The following SPICE1 variants were observed in gnomAD, a reference collection of about 807,000 sequenced individuals.
SPICE1 encodes spindle and centriole associated protein 1.
SPICE1 carries 75 observed loss-of-function variants against 102.7 expected under a neutral mutation model. The ratio of observed to expected loss-of-function variants is 0.73; its 90% CI spans 0.61 to 0.88. SPICE1 has a LOEUF of 0.88. SPICE1 is among the 40% of genes least tolerant of loss of function. The probability of loss-of-function intolerance (pLI) is 0.00; values close to 1 mark genes in which losing one functional copy is unlikely to be tolerated. For missense variants in SPICE1, 979 were observed against 1,020.1 expected, an observed-to-expected ratio of 0.96 and a Z score of 0.55; for synonymous variants, 308 against 350.3, an observed-to-expected ratio of 0.88 and a Z score of 1.35.
chr3:113,463,815 T>A (rs1935988204), intron 11 of SPICE1, among the ~76,000 whole-genome samples: 1 of 152,190 alleles, frequency 6.6e-6, no homozygotes, highest in Non-Finnish European at 1.5e-5. Flanking sequence ...ATGCCTGTAA[T>A]CCCAACACTT....
At position 113,459,279 on chromosome 3, in the gene SPICE1, C is replaced by T. The variant is rs1013012192; in HGVS notation, c.1435+1338G>A. On this transcript the variant is annotated intron_variant, in intron 12 of 17. Coordinates refer to ENST00000295872, the MANE Select transcript of SPICE1 (RefSeq NM_144718.4). Reference sequence around the variant, plus strand: ...CAAGTACCCAGGGACACAAACACTGCGGAAGGAGGCAAGGCCCTCTGCCTA... The same window carrying T: ...CAAGTACCCAGGGACACAAACACTGTGGAAGGAGGCAAGGCCCTCTGCCTA... Among the ~76,000 whole-genome samples, 7 of 152,214 alleles carry T rather than the reference C, an allele frequency of 4.6e-5. No homozygotes were observed. The East Asian group carries it at 7.7e-4, about 17-fold the overall frequency.
At chr3:113,497,374 C>G (rs939272182) in intron 4 of SPICE1, among the ~76,000 whole-genome samples, 2 of 152,138 alleles carry the variant, frequency 1.3e-5, no homozygotes, top group Non-Finnish European at 2.9e-5. Flanking sequence ...AAACTATACT[C>G]TAACACACAA....
chr3:113,503,283 T>C lies in SPICE1; in HGVS notation c.100-56A>G, dbSNP rs931085279. On this transcript the variant is annotated intron_variant, in intron 2 of 17. Coordinates refer to ENST00000295872, the MANE Select transcript of SPICE1 (RefSeq NM_144718.4). Reference sequence around the variant, plus strand: ...AAAAAAAAAGTTTTCTTATAAAATATACACATTTATTGGATTTTAATGGCT... The same window carrying C: ...AAAAAAAAAGTTTTCTTATAAAATACACACATTTATTGGATTTTAATGGCT... 4.8e-6 allele frequency: 7 copies of C among 1,462,990 alleles called. No homozygotes were observed. In the African/African-American group the frequency reaches 8.8e-5, roughly 18 times the overall value. 90.6% of individuals were successfully genotyped at this position (1,462,990 alleles called of 1,614,324 possible).
intron 14 of SPICE1, among the ~76,000 whole-genome samples, chr3:113,451,921 C>T (rs1429089786): frequency 6.6e-6 from 1 of 150,750 alleles, no homozygotes; most frequent in African/African-American, 2.5e-5. Flanking sequence ...CACCAAAGCC[C>T]TCCAACCCAC....
chr3:113,505,348 T>C lies in SPICE1; in HGVS notation c.99+1159A>G, dbSNP rs1000750461. Among the ~76,000 whole-genome samples, 33 of 152,062 alleles carry C rather than the reference T, an allele frequency of 2.2e-4. 1 individual carries two copies. Reference sequence around the variant, plus strand: ...TTCCGATTTATCAGTTTCCTTACCTTAGAGTCACATCCTTGTTATTAAAAT... The same window carrying C: ...TTCCGATTTATCAGTTTCCTTACCTCAGAGTCACATCCTTGTTATTAAAAT... On this transcript the variant is annotated intron_variant, in intron 2 of 17. Coordinates refer to ENST00000295872, the MANE Select transcript of SPICE1 (RefSeq NM_144718.4).
At chr3:113,483,975 T>C (rs1190703966) in intron 7 of SPICE1, among the ~76,000 whole-genome samples, 1 of 152,234 alleles carries the variant, frequency 6.6e-6, no homozygotes, top group Non-Finnish European at 1.5e-5. Flanking sequence ...TTTGTACCTC[T>C]GGTAGAACTC....
intron 15 of SPICE1, chr3:113,449,967 GAAT>G (rs1935606917): frequency 2.2e-5 from 4 of 180,550 alleles, no homozygotes; most frequent in South Asian, 1.5e-4. Context: ...GTGTTTTACA[GAAT>G]AATAACTTGT....
intron 4 of SPICE1, among the ~76,000 whole-genome samples, chr3:113,495,042 C>G (rs565483778): frequency 6.6e-6 from 1 of 152,138 alleles, no homozygotes; most frequent in African/African-American, 2.4e-5. Context: ...AAATGTGAGG[C>G]CTCTGTGTTT....
At chr3:113,505,193 T>C (rs182339078) in intron 2 of SPICE1, among the ~76,000 whole-genome samples, 120 of 152,282 alleles carry the variant, frequency 7.9e-4, no homozygotes, top group Non-Finnish European at 5.9e-5. Context: ...GCCAACTGTA[T>C]TTATTGAAAA....
At chr3:113,476,908 T>A (rs1270379547) in intron 7 of SPICE1, among the ~76,000 whole-genome samples, 1 of 152,076 alleles carries the variant, frequency 6.6e-6, no homozygotes, top group East Asian at 1.9e-4. Context: ...CCAAAAGCAA[T>A]GGCAACAAAG....
At chr3:113,491,624 CAA>C (rs869171154) in intron 6 of SPICE1, among the ~76,000 whole-genome samples, 38 of 38,100 alleles carry the variant, frequency 1.0e-3, no homozygotes, top group African/African-American at 3.0e-3. Context: ...GACTCCGTCT[CAA>C]AAAAAAAAAA....
Position 113,453,507 on chromosome 3 carries a change from G to A in SPICE1, c.2101C>T (p.Arg701Trp), listed in dbSNP as rs1299045246. 2.1e-5 allele frequency: 34 copies of A among 1,612,722 alleles called. No homozygotes were observed. The highest frequency in any genetic ancestry group is 1.6e-4 in the Middle Eastern group (1 of 6,082). The stretch of plus-strand genomic sequence containing the variant: ...GCACTTTCTTGTTTGTTCAACTCCC[G>A]GAGTCCATCCCCTTGCTCTCCTCTG... ...EPRGEQGDGL[R>W]ELNKQESASD... The change falls in exon 14 of 18, where the codon CGG becomes TGG. Residue 701 changes from arginine to tryptophan, a missense_variant. Physicochemically the swap from Arg to Trp is moderately radical, Grantham distance 101. Transcript: ENST00000295872.
chr3:113,465,690 T>C lies in SPICE1; in HGVS notation c.1250A>G (p.Glu417Gly), dbSNP rs1352410734. The change falls in exon 11 of 18, where the codon GAA becomes GGA. Residue 417 changes from glutamate (E) to glycine (G), a missense_variant. Coordinates refer to ENST00000295872, the MANE Select transcript of SPICE1 (RefSeq NM_144718.4). Reference protein sequence around the residue: ...HRELIDALTAEILRLREENAA... With the variant: ...HRELIDALTAGILRLREENAA... ...GTTTTCTTCTCTAAGACGAAGAATT[T>C]CAGCTGTCAGAGCATCAATGAGCTC... 6 of 1,613,998 alleles carry C rather than the reference T, an allele frequency of 3.7e-6. No individual in the cohort carries two copies. Among genetic ancestry groups the C allele is most frequent in the Non-Finnish European group, 5.1e-6 (6 of 1,179,938 alleles).
At chr3:113,458,915 G>T (rs1379930348) in intron 12 of SPICE1, among the ~76,000 whole-genome samples, 2 of 152,214 alleles carry the variant, frequency 1.3e-5, no homozygotes, top group African/African-American at 2.4e-5. Flanking sequence ...CGTCTGGGAG[G>T]TGTACCCAAC....
At chr3:113,464,839 G>A (rs909800192) in intron 11 of SPICE1, among the ~76,000 whole-genome samples, 13 of 152,176 alleles carry the variant, frequency 8.5e-5, no homozygotes, top group African/African-American at 3.1e-4. Flanking sequence ...AGGTGCAGTG[G>A]CTCATGCCTG....
At position 113,450,316 on chromosome 3, in the gene SPICE1, A is replaced by T; in HGVS notation, c.2323+20T>A. 6.2e-7 allele frequency: 1 copy of T among 1,613,666 alleles called. No homozygotes were observed. Among genetic ancestry groups the T allele is most frequent in the Admixed American group, 1.7e-5 (1 of 59,990 alleles). On this transcript the variant is annotated intron_variant, in intron 15 of 17. Transcript: ENST00000295872. ...AAACCTTCATATTTCTAGTTTTTAA[A>T]TCATGAATTTGTGACCAACCAGTCC... is the stretch of plus-strand genomic sequence containing the variant.
rs552494940 is a variant in SPICE1, at chr3:113,512,823, T to C, written c.-1+2074A>G. ...GTTCTCATTCTTCTTGTCTTTCCAT[T>C]AGATACCCTCTCCTTTCATTCAATA... On this transcript the variant is annotated intron_variant, in intron 1 of 17. Transcript: ENST00000295872. 4.3e-4 allele frequency among the ~76,000 whole-genome samples: 66 copies of C among 152,286 alleles called. No homozygotes were observed. The South Asian group carries it at 0.013, about 31-fold the overall frequency.
intron 7 of SPICE1, among the ~76,000 whole-genome samples, chr3:113,474,725 G>A (rs1484052040): frequency 6.6e-6 from 1 of 152,090 alleles, no homozygotes; most frequent in Non-Finnish European, 1.5e-5. Context: ...AAATAAAGAT[G>A]TTCTTTGAAA....
intron 13 of SPICE1, 76 bp downstream of exon 13, chr3:113,457,059 TG>T: frequency 1.4e-6 from 2 of 1,391,752 alleles, no homozygotes; most frequent in Non-Finnish European, 2.0e-6. Context: ...CTGTTTTTCA[TG>T]TAATGGTGAA....
Sources: allele counts gnomAD v4.1 joint callset (sites outside exome capture counted in the v4.1 genomes callset), GRCh38; gene constraint gnomAD v4.1.1; transcripts MANE v1.5; gene names NCBI Gene and HGNC (gene_info 2026-07-23, HGNC 2026-07-21).